Variants in SLC44A5 observed in about 807,000 individuals in gnomAD.
SLC44A5 encodes the protein choline transporter-like protein 5.
A neutral mutation model predicts 101.8 loss-of-function variants in SLC44A5; 57 were observed. The observed-to-expected ratio is 0.56, with a 90% confidence interval of 0.45 to 0.70. SLC44A5 has a LOEUF of 0.70. SLC44A5 is among the 30% of genes least tolerant of loss of function. The pLI, the probability that SLC44A5 is intolerant of heterozygous loss-of-function variation, is 0.00. For missense variants in SLC44A5, 737 were observed against 853.1 expected (o/e 0.86, Z 1.70); for synonymous variants, 281 against 290.9 (o/e 0.97, Z 0.35).
chr1:75,407,570 A>G (rs1225622779), intron 2 of SLC44A5, among the ~76,000 whole-genome samples: 1 of 152,200 alleles, frequency 6.6e-6, no homozygotes, highest in African/African-American at 2.4e-5. Flanking sequence ...ATCTACAACC[A>G]TCTGATCTTT....
At chr1:75,275,165 T>A in intron 5 of SLC44A5, 123 bp from the exon 6 acceptor site, 1 of 632,762 alleles carries the variant, frequency 1.6e-6, no homozygotes, top group Non-Finnish European at 2.8e-6. Flanking sequence ...AGAAGATTAT[T>A]GATTTTCTTC....
At chr1:75,717,198 C>T in the SLC44A5 span, among the ~76,000 whole-genome samples, 1 of 151,176 alleles carries the variant, frequency 6.6e-6, no homozygotes, top group Non-Finnish European at 1.5e-5. Context: ...AATATTGGCC[C>T]AGCGCTGTGG....
intron 2 of SLC44A5, among the ~76,000 whole-genome samples, chr1:75,496,662 G>C (rs1668692612): frequency 6.7e-6 from 1 of 149,012 alleles, no homozygotes; most frequent in African/African-American, 2.5e-5. Context: ...ACAAACTTCT[G>C]CAAAGCAAAG....
At chr1:75,482,633 A>T (rs1216851606) in intron 2 of SLC44A5, among the ~76,000 whole-genome samples, 1 of 152,178 alleles carries the variant, frequency 6.6e-6, no homozygotes. Flanking sequence ...TTGCTCCGAA[A>T]TATCAGGAAC....
chr1:75,509,887 C>T (rs1204820474), intron 2 of SLC44A5, among the ~76,000 whole-genome samples: 1 of 152,146 alleles, frequency 6.6e-6, no homozygotes, highest in African/African-American at 2.4e-5. Flanking sequence ...CTAATAAAAA[C>T]ATACCCGAGA....
chr1:75,359,261 G>T (rs1468769072), intron 3 of SLC44A5, among the ~76,000 whole-genome samples: 2 of 140,400 alleles, frequency 1.4e-5, no homozygotes, highest in Non-Finnish European at 3.0e-5. Flanking sequence ...TTGAGACAGG[G>T]TCTCACTCTG....
chr1:75,451,139 T>C (rs572682710), intron 2 of SLC44A5, among the ~76,000 whole-genome samples: 30 of 152,318 alleles, frequency 2.0e-4, no homozygotes, highest in South Asian at 1.7e-3. Flanking sequence ...TGCTTGTGCC[T>C]GCCAGCAGGC....
chr1:75,276,757 G>A (rs1651956131), intron 5 of SLC44A5, among the ~76,000 whole-genome samples: 1 of 152,146 alleles, frequency 6.6e-6, no homozygotes, highest in Admixed American at 6.6e-5. Flanking sequence ...TATCTGGGAG[G>A]TGATTCCAGG....
intron 5 of SLC44A5, among the ~76,000 whole-genome samples, chr1:75,282,163 C>T (rs1339716904): frequency 6.6e-6 from 1 of 152,206 alleles, no homozygotes; most frequent in Admixed American, 6.5e-5. Context: ...CCACCTCTTG[C>T]ATTAGCGTGA....
intron 2 of SLC44A5, among the ~76,000 whole-genome samples, chr1:75,523,528 G>T (rs1184817117): frequency 6.6e-6 from 1 of 151,664 alleles, no homozygotes; most frequent in African/African-American, 2.4e-5. Flanking sequence ...TGCCATGTTG[G>T]CCAGGCCAGT....
At chr1:75,304,578 C>G (rs892092766) in intron 4 of SLC44A5, among the ~76,000 whole-genome samples, 1 of 152,090 alleles carries the variant, frequency 6.6e-6, no homozygotes, top group African/African-American at 2.4e-5. Context: ...GAGCATCTGT[C>G]ACAATCCTAA....
Position 75,234,016 on chromosome 1 carries a change from T to C in SLC44A5, c.823A>G (p.Met275Val), listed in dbSNP as rs1179034174. The C allele has an allele frequency of 2.5e-6, 4 of 1,613,106 alleles. No individual in the cohort carries two copies. In the African/African-American group the frequency reaches 5.3e-5, roughly 22 times the overall value. Residue 275 changes from methionine to valine, a missense_variant, in exon 12 of 24, where the codon ATG becomes GTG. Met to Val is a conservative substitution (Grantham distance 21). Transcript: ENST00000370859. ...FIAGCLFWVF[M>V]IGVIGIIGYG... The stretch of plus-strand genomic sequence containing the variant: ...CCTATAATTCCAATCACACCAATCA[T>C]GAAGACCCAGAAGAGGCATCCAGCT...
At chr1:75,316,419 T>C (rs773329987) in intron 4 of SLC44A5, among the ~76,000 whole-genome samples, 14 of 151,984 alleles carry the variant, frequency 9.2e-5, no homozygotes, top group Admixed American at 6.6e-4. Context: ...GCTTAAATGT[T>C]ACCACCTCTG....
chr1:75,213,983 T>C lies in SLC44A5; in HGVS notation c.1809A>G (p.Ala603=). 6.3e-7 allele frequency: 1 copy of C among 1,581,678 alleles called. No homozygotes were observed. The highest frequency in any genetic ancestry group is 8.6e-7 in the Non-Finnish European group (1 of 1,159,488). ...NLLMRNVLKV[A]VTDEVTYFVL... Reference sequence around the variant, plus strand: ...CAAAGTATGTAACTTCATCTGTAACTGCAACTCTGAGTATCAGAAAAAAAG... The same window carrying C: ...CAAAGTATGTAACTTCATCTGTAACCGCAACTCTGAGTATCAGAAAAAAAG... The change falls in exon 21 of 24, where the codon GCA becomes GCG. Residue 603 remains alanine, a synonymous_variant. Coordinates refer to ENST00000370859, the MANE Select transcript of SLC44A5 (RefSeq NM_001130058.2).
intron 8 of SLC44A5, 27 bp downstream of exon 8, chr1:75,242,859 T>C: frequency 6.5e-7 from 1 of 1,546,382 alleles, no homozygotes; most frequent in Non-Finnish European, 8.7e-7. Context: ...TAAATTGTTC[T>C]CTTGCTTTAA....
intron 2 of SLC44A5, among the ~76,000 whole-genome samples, chr1:75,435,360 GTCAATAAATC>G (rs1664826231): frequency 6.6e-6 from 1 of 152,166 alleles, no homozygotes. Context: ...TAAGAATCCT[GTCAATAAATC>G]TTACGTTTTA....
chr1:75,582,797 A>G (rs1298880619), intron 1 of SLC44A5, among the ~76,000 whole-genome samples: 2 of 152,236 alleles, frequency 1.3e-5, no homozygotes, highest in Non-Finnish European at 2.9e-5. Context: ...TTCTAAGTTT[A>G]TAATTCAGAA....
In SLC44A5 at chr1:75,391,483, T is replaced by A. The variant is rs74850233; in HGVS notation, c.52+5100A>T. ...CTAATTTCAAACTATACTATAAGGC[T>A]ACAGTAATCAAAACAGCATGGTACT... On this transcript the variant is annotated intron_variant, in intron 3 of 23. Transcript: ENST00000370859. Among the ~76,000 whole-genome samples the A allele has an allele frequency of 6.6e-4, 100 of 152,292 alleles. 1 individual carries two copies. The East Asian group carries it at 0.018, about 27-fold the overall frequency.
chr1:75,242,450 T>C (rs1008794764), intron 8 of SLC44A5, among the ~76,000 whole-genome samples: 8 of 152,020 alleles, frequency 5.3e-5, no homozygotes, highest in Non-Finnish European at 1.0e-4. Flanking sequence ...TTCTCTTACG[T>C]ATCTCAAACC....
Sources: allele counts gnomAD v4.1 joint callset (sites outside exome capture counted in the v4.1 genomes callset), GRCh38; gene constraint gnomAD v4.1.1; transcripts MANE v1.5; gene names NCBI Gene and HGNC (gene_info 2026-07-23, HGNC 2026-07-21).